TAFA5: variants seen among roughly 807,000 people sequenced by gnomAD.
The protein encoded by TAFA5 is chemokine-like protein TAFA-5.
In TAFA5, 6 loss-of-function variants were observed where a neutral mutation model predicts 15.3. That is an observed-to-expected ratio of 0.39 (90% CI 0.21 to 0.77). The LOEUF is 0.77. Among genes scored for constraint, TAFA5 ranks in the 30% least tolerant of loss-of-function variants. The probability of loss-of-function intolerance (pLI) is 0.41; values close to 1 mark genes in which losing one functional copy is unlikely to be tolerated. For synonymous variants in TAFA5, 103 were observed against 80.7 expected, an observed-to-expected ratio of 1.28 and a Z score of -1.48; for missense variants, 161 against 193.1, an observed-to-expected ratio of 0.83 and a Z score of 0.98.
intron 1 of TAFA5, among the ~76,000 whole-genome samples, chr22:48,594,417 A>AC (rs1924686844): frequency 6.6e-6 from 1 of 152,204 alleles, no homozygotes. Flanking sequence ...AGGCACACAC[A>AC]CACGAGTGTG....
intron 2 of TAFA5, among the ~76,000 whole-genome samples, chr22:48,699,122 G>A (rs891892549): frequency 3.3e-5 from 5 of 151,910 alleles, no homozygotes; most frequent in Non-Finnish European, 5.9e-5. Context: ...TAGTAGAGAC[G>A]GGGTTTCACC....
intron 2 of TAFA5, among the ~76,000 whole-genome samples, chr22:48,671,646 C>T (rs1304880457): frequency 6.6e-6 from 1 of 152,136 alleles, no homozygotes; most frequent in Admixed American, 6.5e-5. Flanking sequence ...TGAACAGACA[C>T]ATTTATCAGA....
At chr22:48,593,007 T>G in intron 1 of TAFA5, among the ~76,000 whole-genome samples, 1 of 150,696 alleles carries the variant, frequency 6.6e-6, no homozygotes, top group Non-Finnish European at 1.5e-5. Context: ...CAGAGCTAGC[T>G]GAGTGGGGCG....
chr22:48,538,365 A>G (rs1375423233), intron 1 of TAFA5, among the ~76,000 whole-genome samples: 9 of 152,150 alleles, frequency 5.9e-5, no homozygotes, highest in Non-Finnish European at 8.8e-5. Context: ...GGGGCGCCCC[A>G]TCCTCAGGCC....
At chr22:48,749,750 G>T in intron 3 of TAFA5, 89 bp from the exon 4 acceptor site, 1 of 1,468,440 alleles carries the variant, frequency 6.8e-7, no homozygotes, top group East Asian at 2.5e-5. Flanking sequence ...CGGCTGGCAG[G>T]AGCCGGGGAG....
intron 1 of TAFA5, among the ~76,000 whole-genome samples, chr22:48,596,158 T>C (rs1191002438): frequency 6.6e-6 from 1 of 152,284 alleles, no homozygotes; most frequent in Non-Finnish European, 1.5e-5. Context: ...TTATTTTTCA[T>C]TTAATTAAAA....
chr22:48,537,185 C>T (rs56275644), intron 1 of TAFA5, among the ~76,000 whole-genome samples: 1 of 149,152 alleles, frequency 6.7e-6, no homozygotes, highest in East Asian at 2.1e-4. Flanking sequence ...GCTCTCGTTC[C>T]TCTGCCTTTG....
At chr22:48,642,530 G>A (rs893863092) in intron 1 of TAFA5, among the ~76,000 whole-genome samples, 1 of 152,172 alleles carries the variant, frequency 6.6e-6, no homozygotes, top group African/African-American at 2.4e-5. Context: ...CCCAGCACTC[G>A]GAGCCGGACC....
intron 1 of TAFA5, among the ~76,000 whole-genome samples, chr22:48,586,848 A>C (rs1924379833): frequency 6.6e-6 from 1 of 152,232 alleles, no homozygotes; most frequent in South Asian, 2.1e-4. Context: ...CTGTTGCAGG[A>C]GGCAGGGAGG....
intron 2 of TAFA5, among the ~76,000 whole-genome samples, chr22:48,690,919 G>A (rs67511733): frequency 0.32 from 48,693 of 151,820 alleles, 8,001 homozygotes; most frequent in Non-Finnish European, 0.36. Flanking sequence ...AGGACGCCTC[G>A]CCTCCTGAGC....
chr22:48,558,715 G>C (rs1481299514), intron 1 of TAFA5, among the ~76,000 whole-genome samples: 1 of 152,326 alleles, frequency 6.6e-6, no homozygotes, highest in South Asian at 2.1e-4. Context: ...GTAGACCAGC[G>C]AGGTCCAGTC....
chr22:48,542,630 G>GGGTGTGATGTGT (rs1922486159), intron 1 of TAFA5, among the ~76,000 whole-genome samples: 2 of 16,866 alleles, frequency 1.2e-4, no homozygotes, highest in Non-Finnish European at 2.1e-4. Context: ...GGTGTGTGTG[G>GGGTGTGATGTGT]GTGTGTGATG....
intron 1 of TAFA5, among the ~76,000 whole-genome samples, chr22:48,581,040 G>A (rs1924020431): frequency 6.6e-6 from 1 of 152,242 alleles, no homozygotes; most frequent in Admixed American, 6.5e-5. Flanking sequence ...CTGCTGGGAG[G>A]GGTGGAAATG....
At chr22:48,520,457 C>A (rs912570873) in intron 1 of TAFA5, among the ~76,000 whole-genome samples, 5 of 152,258 alleles carry the variant, frequency 3.3e-5, no homozygotes, top group Non-Finnish European at 7.3e-5. Context: ...ACCCTTCTCG[C>A]TGGTGAAGTG....
intron 2 of TAFA5, among the ~76,000 whole-genome samples, chr22:48,695,608 T>C (rs746294965): frequency 6.6e-6 from 1 of 152,164 alleles, no homozygotes; most frequent in African/African-American, 2.4e-5. Context: ...AGCCAGCATG[T>C]TCCTCCCTGT....
chr22:48,702,628 G>T (rs1928946404), intron 2 of TAFA5, among the ~76,000 whole-genome samples: 1 of 152,176 alleles, frequency 6.6e-6, no homozygotes, highest in African/African-American at 2.4e-5. Context: ...ACGTTTGTCT[G>T]CCCAGAGCCC....
chr22:48,574,906 G>A (rs368750576), intron 1 of TAFA5, among the ~76,000 whole-genome samples: 4 of 152,228 alleles, frequency 2.6e-5, no homozygotes, highest in South Asian at 4.1e-4. Context: ...GTGCAGGGAG[G>A]CATCCGTTTG....
chr22:48,523,357 CCT>C (rs1601847174), intron 1 of TAFA5, among the ~76,000 whole-genome samples: 1 of 152,250 alleles, frequency 6.6e-6, no homozygotes, highest in East Asian at 1.9e-4. Context: ...GAAACCAGCC[CCT>C]GAGTCAGCAA....
chr22:48,732,405 C>T (rs1238151144), intron 3 of TAFA5, among the ~76,000 whole-genome samples: 5 of 152,176 alleles, frequency 3.3e-5, no homozygotes, highest in East Asian at 1.9e-4. Context: ...TACAGGCGCC[C>T]GCCACCACGC....
Sources: gnomAD v4.1 joint callset for allele counts (sites outside exome capture counted in the v4.1 genomes callset) on GRCh38, gnomAD v4.1.1 for gene constraint, MANE v1.5 for transcripts, NCBI Gene and HGNC (gene_info 2026-07-23, HGNC 2026-07-21) for gene names.